Variants in AGAP1 observed in about 807,000 individuals in gnomAD.
The protein encoded by AGAP1 is ArfGAP with GTPase domain, ankyrin repeat and PH domain 1.
AGAP1 carries 29 observed loss-of-function variants against 105.3 expected under a neutral mutation model. That is an observed-to-expected ratio of 0.28 (90% confidence interval 0.21 to 0.38). The LOEUF is 0.38. Ranked by LOEUF, AGAP1 falls within the 10% of genes least tolerant of loss-of-function variation. AGAP1 has a pLI of 1.00. For missense variants in AGAP1, 998 were observed against 1,165.1 expected (o/e 0.86, Z 2.09); for synonymous variants, 509 against 485.9 (o/e 1.05, Z -0.63).
At position 235,692,283 on chromosome 2, in the gene AGAP1, A is replaced by AC. The variant is rs1299418412; in HGVS notation, c.164-16895dup. On this transcript the variant is annotated intron_variant, in intron 1 of 17. Transcript: ENST00000304032. This position sits in a 1 kb window ranked among gnomAD's most constrained non-coding sequence, Gnocchi z 5.8. ...CCTCTGGCCTCGCCTCTGTAACAGAACGTGGCCCCTGCCTTCCATCTTCCC... is the reference window on the plus strand; with the variant it reads ...CCTCTGGCCTCGCCTCTGTAACAGAACCGTGGCCCCTGCCTTCCATCTTCCC... 6.6e-6 allele frequency among the ~76,000 whole-genome samples: 1 copy of AC among 152,090 alleles called. No homozygotes were observed.
intron 9 of AGAP1, among the ~76,000 whole-genome samples, chr2:235,857,162 A>T (rs2048719989): frequency 6.6e-6 from 1 of 152,126 alleles, no homozygotes; most frequent in African/African-American, 2.4e-5. Context: ...GCGGCGAGTG[A>T]GTGAGCATTA....
In AGAP1 at chr2:235,665,833, G is replaced by C. The variant is rs540727512; in HGVS notation, c.164-43346G>C. ...TGCAAACGTGATTACTGGCTGTCAG[G>C]TTCTGTTATTTGGAAAGCCAGCCTG... On this transcript the variant is annotated intron_variant, in intron 1 of 17. Coordinates refer to ENST00000304032, the MANE Select transcript of AGAP1 (RefSeq NM_001037131.3). The surrounding 1 kb of genome is among the most constrained non-coding windows in gnomAD (Gnocchi z 5.3). 6.6e-6 allele frequency among the ~76,000 whole-genome samples: 1 copy of C among 152,266 alleles called. No individual in the cohort carries two copies. The highest frequency in any genetic ancestry group is 2.4e-5 in the African/African-American group (1 of 41,578).
chr2:235,598,981 C>T (rs116538478), intron 1 of AGAP1, among the ~76,000 whole-genome samples: 3,110 of 152,288 alleles, frequency 0.02, 111 homozygotes, highest in African/African-American at 0.07. Context: ...GAGTGGGAGC[C>T]TGTCTTCCTC....
chr2:235,908,955 T>G lies in AGAP1; in HGVS notation c.1324+49T>G. The G allele has an allele frequency of 1.3e-6, 2 of 1,564,780 alleles. No individual in the cohort carries two copies. Among genetic ancestry groups the G allele is most frequent in the Non-Finnish European group, 1.8e-6 (2 of 1,142,488 alleles). On this transcript the variant is annotated intron_variant, in intron 11 of 17. Coordinates refer to ENST00000304032, the MANE Select transcript of AGAP1 (RefSeq NM_001037131.3). This position sits in a 1 kb window ranked among gnomAD's most constrained non-coding sequence, Gnocchi z 4.4. ...ACAAATCAAGTTCAACAGCAACAGG[T>G]GGTCCAGGCTCGAGGATAATGTTGG... is the stretch of plus-strand genomic sequence containing the variant.
intron 5 of AGAP1, among the ~76,000 whole-genome samples, chr2:235,746,445 T>C (rs1018196054): frequency 3.2e-5 from 4 of 125,042 alleles, no homozygotes; most frequent in Admixed American, 1.9e-4. Context: ...TCCTGAAACC[T>C]TCAGAGCCAG....
rs1397254982 is a variant in AGAP1 at position 235,989,841 on chromosome 2, G to A, written c.1645+21218G>A. ...CTCACAGGGAGGGACAGCCTCGGAA[G>A]AGGAAATCCATGCGTCTTCCTTTTG... is the stretch of plus-strand genomic sequence containing the variant. On this transcript the variant is annotated intron_variant, in intron 13 of 17. Transcript: ENST00000304032. The surrounding 1 kb of genome is among the most constrained non-coding windows in gnomAD (Gnocchi z 4.4). Among the ~76,000 whole-genome samples the A allele has an allele frequency of 6.6e-6, 1 of 152,214 alleles. No homozygotes were observed. The highest frequency in any genetic ancestry group is 2.1e-4 in the South Asian group (1 of 4,830).
chr2:235,540,156 T>TC (rs1377726893), intron 1 of AGAP1, among the ~76,000 whole-genome samples: 1 of 148,988 alleles, frequency 6.7e-6, no homozygotes, highest in Admixed American at 6.7e-5. Context: ...CTCTTTTTTT[T>TC]TTTTTTTTTT....
intron 13 of AGAP1, among the ~76,000 whole-genome samples, chr2:236,015,799 T>G (rs890719112): frequency 4.6e-5 from 7 of 152,214 alleles, no homozygotes; most frequent in African/African-American, 1.7e-4. Context: ...TATTTGGGGA[T>G]TATTATAACT....
intron 16 of AGAP1, among the ~76,000 whole-genome samples, chr2:236,069,882 GC>G (rs1221037288): frequency 6.6e-6 from 1 of 152,172 alleles, no homozygotes; most frequent in East Asian, 1.9e-4. Flanking sequence ...CTAATTTTCT[GC>G]CATTTTAAAA....
chr2:235,973,420 C>T lies in AGAP1; in HGVS notation c.1645+4797C>T, dbSNP rs542570137. ...CAGGAGATGTGTGGATGACAGAGCCCGTCGCTAGGCTCTTATGTCACAGAT... is the reference window on the plus strand; with the variant it reads ...CAGGAGATGTGTGGATGACAGAGCCTGTCGCTAGGCTCTTATGTCACAGAT... On this transcript the variant is annotated intron_variant, in intron 13 of 17. Transcript: ENST00000304032. This position sits in a 1 kb window ranked among gnomAD's most constrained non-coding sequence, Gnocchi z 4.7. Among the ~76,000 whole-genome samples the T allele has an allele frequency of 6.6e-6, 1 of 152,136 alleles. No individual in the cohort carries two copies.
At chr2:235,863,392 A>G (rs1321217456) in intron 9 of AGAP1, among the ~76,000 whole-genome samples, 1 of 152,280 alleles carries the variant, frequency 6.6e-6, no homozygotes, top group Non-Finnish European at 1.5e-5. Context: ...ATTTTAGCAT[A>G]TAATCAATAC....
rs758413344 is a variant in AGAP1, at chr2:235,639,032, G to A, written c.164-70147G>A. ...GCTGAGACCCACTGGTTAAAATAGT[G>A]TCAGTAGGGGTGGAGAGAAGGGGAC... On this transcript the variant is annotated intron_variant, in intron 1 of 17. Transcript: ENST00000304032. The surrounding 1 kb of genome is among the most constrained non-coding windows in gnomAD (Gnocchi z 5.3). Among the ~76,000 whole-genome samples, 12 of 152,274 alleles carry A rather than the reference G, an allele frequency of 7.9e-5. No homozygotes were observed. Among genetic ancestry groups the A allele is most frequent in the Middle Eastern group, 6.8e-3 (2 of 294 alleles).
rs561342172 is a variant in AGAP1, at chr2:235,965,438, G to A, written c.1484-3024G>A. Among the ~76,000 whole-genome samples, 2 of 152,308 alleles carry A rather than the reference G, an allele frequency of 1.3e-5. No homozygotes were observed. The highest frequency in any genetic ancestry group is 4.1e-4 in the South Asian group (2 of 4,826). On this transcript the variant is annotated intron_variant, in intron 12 of 17. Coordinates refer to ENST00000304032, the MANE Select transcript of AGAP1 (RefSeq NM_001037131.3). This position sits in a 1 kb window ranked among gnomAD's most constrained non-coding sequence, Gnocchi z 5.8. ...AGTGTGCCGTTTTGAAGAAGCAATG[G>A]TGAAGGAAGCCAGACTTCAAGGAGT...
At chr2:235,652,861 C>T (rs937292358) in intron 1 of AGAP1, among the ~76,000 whole-genome samples, 24 of 152,072 alleles carry the variant, frequency 1.6e-4, no homozygotes, top group African/African-American at 5.8e-4. Context: ...GTCAGCTACT[C>T]AGGAGGCTGA....
rs1001041949 is a variant in AGAP1, at chr2:235,665,183, C to T, written c.164-43996C>T. Among the ~76,000 whole-genome samples the T allele has an allele frequency of 2.6e-5, 4 of 152,218 alleles. No individual in the cohort carries two copies. The highest frequency in any genetic ancestry group is 5.9e-5 in the Non-Finnish European group (4 of 68,042). On this transcript the variant is annotated intron_variant, in intron 1 of 17. Coordinates refer to ENST00000304032, the MANE Select transcript of AGAP1 (RefSeq NM_001037131.3). The surrounding 1 kb of genome is among the most constrained non-coding windows in gnomAD (Gnocchi z 5.3). Reference sequence around the variant, plus strand: ...AGTGAGCTATGATCTTGCCACTGCACTCTAGCCTGTCTGTGTGGTGGTGTG... The same window carrying T: ...AGTGAGCTATGATCTTGCCACTGCATTCTAGCCTGTCTGTGTGGTGGTGTG...
intron 9 of AGAP1, chr2:235,852,572 G>A: frequency 9.7e-7 from 1 of 1,028,226 alleles, no homozygotes; most frequent in Non-Finnish European, 1.3e-6. Context: ...ATCTCTTAAT[G>A]AATAGAGACT....
At position 235,875,113 on chromosome 2, in the gene AGAP1, C is replaced by G. The variant is rs1225276584; in HGVS notation, c.1051-8232C>G. ...AGAGAGCCCTGTCACCCCCTCTCCC[C>G]CATCTGCCCTTGCTGCAAGGAGGAG... On this transcript the variant is annotated intron_variant, in intron 9 of 17. Transcript: ENST00000304032. This position sits in a 1 kb window ranked among gnomAD's most constrained non-coding sequence, Gnocchi z 4.0. Among the ~76,000 whole-genome samples the G allele has an allele frequency of 6.6e-6, 1 of 152,144 alleles. No individual in the cohort carries two copies. The highest frequency in any genetic ancestry group is 1.5e-5 in the Non-Finnish European group (1 of 68,036).
chr2:235,831,248 GAGC>G (rs1959351122), intron 9 of AGAP1, among the ~76,000 whole-genome samples: 2 of 149,202 alleles, frequency 1.3e-5, no homozygotes, highest in African/African-American at 5.1e-5. Flanking sequence ...CGGCAAAGTT[GAGC>G]AGAAGGACAC....
rs569597792 is a variant in AGAP1 at position 235,960,124 on chromosome 2, G to A, written c.1484-8338G>A. Among the ~76,000 whole-genome samples the A allele has an allele frequency of 2.6e-5, 4 of 152,270 alleles. No homozygotes were observed. The highest frequency in any genetic ancestry group is 2.1e-4 in the South Asian group (1 of 4,824). On this transcript the variant is annotated intron_variant, in intron 12 of 17. Coordinates refer to ENST00000304032, the MANE Select transcript of AGAP1 (RefSeq NM_001037131.3). The surrounding 1 kb of genome is among the most constrained non-coding windows in gnomAD (Gnocchi z 4.9). Reference sequence around the variant, plus strand: ...GCCTCCAAATGGGGGCGGGGAGGGTGCTTGCGGACCCACCCTGGAGGACCT... The same window carrying A: ...GCCTCCAAATGGGGGCGGGGAGGGTACTTGCGGACCCACCCTGGAGGACCT...
Sources: allele counts gnomAD v4.1 joint callset (sites outside exome capture counted in the v4.1 genomes callset), GRCh38; gene constraint gnomAD v4.1.1; non-coding constraint Gnocchi (gnomAD v3.1); transcripts MANE v1.5; gene names NCBI Gene and HGNC (gene_info 2026-07-23, HGNC 2026-07-21).